The following CRLF3 variants were observed in gnomAD, a reference collection of about 807,000 sequenced individuals.
CRLF3 encodes cytokine receptor-like factor 3.
In CRLF3, 33 loss-of-function variants were observed where a neutral mutation model predicts 55.0. That is an observed-to-expected ratio of 0.60 (90% CI 0.46 to 0.80). CRLF3 has a LOEUF of 0.80. CRLF3 is among the 30% of genes least tolerant of loss of function. The pLI, the probability that CRLF3 is intolerant of heterozygous loss-of-function variation, is 0.00. For synonymous variants in CRLF3, 238 were observed against 196.8 expected, an observed-to-expected ratio of 1.21 and a Z score of -1.75; for missense variants, 494 against 538.4, an observed-to-expected ratio of 0.92 and a Z score of 0.82.
rs1163338509 is a variant in CRLF3 at position 30,820,823 on chromosome 17, C to CAAA, written c.129+3697_129+3699dup. On this transcript the variant is annotated intron_variant, in intron 1 of 7. Transcript: ENST00000324238. ...CCTGGGCAAAAGAGCGAGACTCTCTCAAAAAAAAAAAAAAAAAAAAAGGAA... is the reference window on the plus strand; with the variant it reads ...CCTGGGCAAAAGAGCGAGACTCTCTCAAAAAAAAAAAAAAAAAAAAAAAAGGAA... 1.1e-3 allele frequency among the ~76,000 whole-genome samples: 73 copies of CAAA among 64,896 alleles called. 1 individual carries two copies. The highest frequency in any genetic ancestry group is 3.8e-3 in the African/African-American group (64 of 16,756). The allele number at this position is 64,896 out of a possible 152,430, so 42.6% of individuals were successfully genotyped here. A position where few individuals can be genotyped will look rare whatever the true frequency, so the allele number is the denominator to read the frequency against.
intron 6 of CRLF3, chr17:30,787,413 C>T (rs1330052677): frequency 1.3e-5 from 2 of 152,010 alleles, no homozygotes; most frequent in African/African-American, 2.4e-5. Flanking sequence ...CAAGTTTAAG[C>T]TTTTCCTTTT....
At chr17:30,807,164 T>C (rs1904432895) in intron 1 of CRLF3, among the ~76,000 whole-genome samples, 1 of 152,134 alleles carries the variant, frequency 6.6e-6, no homozygotes, top group Admixed American at 6.5e-5. Flanking sequence ...AGCAAAAACA[T>C]ACTTTGCTTT....
Position 30,793,900 on chromosome 17 carries a change from G to A in CRLF3, c.604-228C>T, listed in dbSNP as rs562503701. ...GTCACCCAGGCTGTAGTGCAGTGGCGTGATCTCGGCTTATTGCAGCCTCCA... is the reference window on the plus strand; with the variant it reads ...GTCACCCAGGCTGTAGTGCAGTGGCATGATCTCGGCTTATTGCAGCCTCCA... On this transcript the variant is annotated intron_variant, in intron 4 of 7. Transcript: ENST00000324238. Among the ~76,000 whole-genome samples, 4 of 151,770 alleles carry A rather than the reference G, an allele frequency of 2.6e-5. No homozygotes were observed. In the East Asian group the frequency reaches 7.7e-4, roughly 29 times the overall value.
chr17:30,788,886 G>A (rs553410397), intron 6 of CRLF3, among the ~76,000 whole-genome samples: 8 of 152,078 alleles, frequency 5.3e-5, no homozygotes, highest in East Asian at 1.9e-4. Context: ...GATTACAGGC[G>A]TGAGCCACCG....
At chr17:30,798,124 A>G (rs1382056928) in intron 2 of CRLF3, among the ~76,000 whole-genome samples, 1 of 152,096 alleles carries the variant, frequency 6.6e-6, no homozygotes, top group East Asian at 1.9e-4. Context: ...TCACGCCTGT[A>G]ATCCCAGCAC....
intron 4 of CRLF3, among the ~76,000 whole-genome samples, chr17:30,795,629 A>G (rs1179721235): frequency 1.3e-5 from 2 of 151,750 alleles, no homozygotes; most frequent in Non-Finnish European, 2.9e-5. Flanking sequence ...TGGGCGACAC[A>G]GCAAGGCTTC....
At chr17:30,814,047 A>G (rs1433393852) in intron 1 of CRLF3, among the ~76,000 whole-genome samples, 3 of 152,120 alleles carry the variant, frequency 2.0e-5, no homozygotes, top group Non-Finnish European at 4.4e-5. Context: ...ACTTGAGGCC[A>G]GGAGTTCAAA....
At chr17:30,796,419 C>G in intron 3 of CRLF3, 82 bp from the exon 4 acceptor site, 4 of 1,099,168 alleles carry the variant, frequency 3.6e-6, no homozygotes, top group Non-Finnish European at 5.1e-6. Context: ...CAGTCACATG[C>G]TTGAAAGATC....
chr17:30,821,629 A>C (rs1401563544), intron 1 of CRLF3, among the ~76,000 whole-genome samples: 1 of 152,220 alleles, frequency 6.6e-6, no homozygotes, highest in African/African-American at 2.4e-5. Context: ...ACATGCTACC[A>C]CATCAATGAA....
intron 1 of CRLF3, among the ~76,000 whole-genome samples, chr17:30,804,912 G>A (rs1266394178): frequency 6.6e-6 from 1 of 152,196 alleles, no homozygotes; most frequent in African/African-American, 2.4e-5. Flanking sequence ...GCCGGGCGCA[G>A]TGCCTCATGC....
Position 30,796,154 on chromosome 17 carries a change from A to C in CRLF3, c.603+6T>G, listed in dbSNP as rs1971914181. On this transcript the variant is annotated splice_donor_region_variant and intron_variant, in intron 4 of 7. Transcript: ENST00000324238. ...GAAGTCATTTCTAGAATTCTGAATT[A>C]CATACCTTACACCATCGTACAATGA... 3 of 1,588,454 alleles carry C rather than the reference A, an allele frequency of 1.9e-6. No individual in the cohort carries two copies. Among genetic ancestry groups the C allele is most frequent in the Non-Finnish European group, 2.6e-6 (3 of 1,166,476 alleles).
At chr17:30,804,191 C>G (rs1353716558) in intron 1 of CRLF3, 83 bp from the exon 2 acceptor site, 10 of 877,718 alleles carry the variant, frequency 1.1e-5, no homozygotes, top group Non-Finnish European at 1.8e-5. Flanking sequence ...AATCTAAAAG[C>G]ACTGTATAAC....
At chr17:30,823,396 T>C (rs1034998804) in intron 1 of CRLF3, among the ~76,000 whole-genome samples, 2 of 151,774 alleles carry the variant, frequency 1.3e-5, no homozygotes, top group South Asian at 2.1e-4. Flanking sequence ...TACATACTTA[T>C]ATATGTTTGT....
At chr17:30,805,165 G>A (rs914803774) in intron 1 of CRLF3, among the ~76,000 whole-genome samples, 45 of 152,078 alleles carry the variant, frequency 3.0e-4, no homozygotes, top group Admixed American at 3.0e-3. Context: ...CTGGGCAACA[G>A]AGTGAGACGC....
chr17:30,791,342 A>T (rs1971795903), intron 6 of CRLF3, among the ~76,000 whole-genome samples: 1 of 151,930 alleles, frequency 6.6e-6, no homozygotes, highest in South Asian at 2.1e-4. Flanking sequence ...AAGTGCTGGG[A>T]TTACAGGCGG....
chr17:30,795,828 C>A (rs1314398223), intron 4 of CRLF3, among the ~76,000 whole-genome samples: 3 of 151,932 alleles, frequency 2.0e-5, no homozygotes, highest in Non-Finnish European at 4.4e-5. Flanking sequence ...CCCAGCTACT[C>A]AGGAGGCCGA....
chr17:30,804,120 TAACAA>T lies in CRLF3; in HGVS notation c.130-17_130-13del, dbSNP rs760653755. 3 of 1,576,392 alleles carry T rather than the reference TAACAA, an allele frequency of 1.9e-6. No homozygotes were observed. The Admixed American group carries it at 5.1e-5, about 27-fold the overall frequency. On this transcript the variant is annotated splice_polypyrimidine_tract_variant and intron_variant, in intron 1 of 7. Coordinates refer to ENST00000324238, the MANE Select transcript of CRLF3 (RefSeq NM_015986.4). Reference sequence around the variant, plus strand: ...GCACTTTCTTTGATCTAAAAAGAAATAACAAAATACTCAAAATCAGAATCTTTAAA... The same window carrying T: ...GCACTTTCTTTGATCTAAAAAGAAATAATACTCAAAATCAGAATCTTTAAA...
Position 30,784,284 on chromosome 17 carries a change from CTAT to C in CRLF3, c.1229_1231del (p.Asn410del). On this transcript the variant is annotated inframe_deletion, in exon 8 of 8. Transcript: ENST00000324238. ...AAGTAACCAGTCAAAAACCACTTCT[CTAT>C]TATTTGAACTTATAGTTACTCGAAG... 1.2e-6 allele frequency: 2 copies of C among 1,614,008 alleles called. No individual in the cohort carries two copies. Among genetic ancestry groups the C allele is most frequent in the East Asian group, 2.2e-5 (1 of 44,880 alleles).
intron 1 of CRLF3, 124 bp downstream of exon 1, chr17:30,824,399 A>G: frequency 9.6e-7 from 1 of 1,041,998 alleles, no homozygotes. Flanking sequence ...CTCCTTTCAA[A>G]TGAATGCCTC....
Sources: gnomAD v4.1 joint callset for allele counts (sites outside exome capture counted in the v4.1 genomes callset) on GRCh38, gnomAD v4.1.1 for gene constraint, MANE v1.5 for transcripts, NCBI Gene and HGNC (gene_info 2026-07-23, HGNC 2026-07-21) for gene names.